Variants in GPHN observed in about 807,000 individuals in gnomAD.
The protein encoded by GPHN is gephyrin.
In GPHN, 17 loss-of-function variants were observed where a neutral mutation model predicts 95.5. The observed-to-expected ratio is 0.18, with a 90% confidence interval of 0.12 to 0.27. The LOEUF (loss-of-function observed/expected upper bound fraction) is 0.27. Ranked by LOEUF, GPHN falls within the 10% of genes least tolerant of loss-of-function variation. GPHN has a pLI of 1.00. For synonymous variants in GPHN, 320 were observed against 322.5 expected (o/e 0.99, Z 0.08); for missense variants, 660 against 978.1 (o/e 0.67, Z 4.34).
chr14:67,166,779 C>T (rs1242291896), intron 20 of GPHN, among the ~76,000 whole-genome samples: 2 of 152,178 alleles, frequency 1.3e-5, no homozygotes, highest in African/African-American at 2.4e-5. Flanking sequence ...AAGCCGTTCT[C>T]CCACCTCAGC....
intron 1 of GPHN, among the ~76,000 whole-genome samples, chr14:66,546,396 G>A (rs867084242): frequency 5.3e-5 from 8 of 152,250 alleles, no homozygotes; most frequent in Middle Eastern, 6.8e-3. Context: ...TGCAATCTCG[G>A]CACTTTGGGA....
the GPHN span, among the ~76,000 whole-genome samples, chr14:67,324,417 TCTTC>T: frequency 2.6e-5 from 4 of 152,172 alleles, no homozygotes; most frequent in East Asian, 1.9e-4. Context: ...AGTAACATGT[TCTTC>T]CTTGTTTTTT....
At chr14:67,059,665 A>G (rs2075746026) in intron 11 of GPHN, among the ~76,000 whole-genome samples, 2 of 152,328 alleles carry the variant, frequency 1.3e-5, no homozygotes, top group East Asian at 3.9e-4. Context: ...CTTTTACTAC[A>G]TAATTGTGCT....
chr14:66,935,316 T>C (rs928440535), intron 8 of GPHN, among the ~76,000 whole-genome samples: 3 of 152,108 alleles, frequency 2.0e-5, no homozygotes, highest in Non-Finnish European at 4.4e-5. Flanking sequence ...TGATGCTCCC[T>C]AAGCTGTATT....
the GPHN span, among the ~76,000 whole-genome samples, chr14:67,595,535 T>C: frequency 1.3e-5 from 2 of 152,194 alleles, no homozygotes; most frequent in Non-Finnish European, 2.9e-5. Context: ...CCATGATTGG[T>C]TCCCACTCCT....
intron 11 of GPHN, among the ~76,000 whole-genome samples, chr14:67,072,004 T>A (rs2076330695): frequency 6.6e-6 from 1 of 152,140 alleles, no homozygotes; most frequent in Non-Finnish European, 1.5e-5. Context: ...AGTCTTTAGA[T>A]ATGATTCTTA....
the GPHN span, among the ~76,000 whole-genome samples, chr14:67,688,046 T>C: frequency 3.3e-5 from 5 of 152,238 alleles, no homozygotes; most frequent in Admixed American, 1.3e-4. Context: ...GTGCTGGGAT[T>C]ACAGGTGTGA....
chr14:66,758,775 G>C (rs1056819403), intron 2 of GPHN, among the ~76,000 whole-genome samples: 2 of 152,130 alleles, frequency 1.3e-5, no homozygotes, highest in African/African-American at 4.8e-5. Flanking sequence ...GGCAGGATTT[G>C]CAGGATAATT....
chr14:66,781,298 C>T (rs1257755604), intron 3 of GPHN, among the ~76,000 whole-genome samples: 5 of 151,536 alleles, frequency 3.3e-5, no homozygotes, highest in Admixed American at 3.3e-4. Context: ...CACACTGCAA[C>T]CTCTACCTCC....
At chr14:67,256,696 T>C in the GPHN span, among the ~76,000 whole-genome samples, 71 of 152,112 alleles carry the variant, frequency 4.7e-4, no homozygotes, top group African/African-American at 1.5e-3. Context: ...TACAGGCATG[T>C]GCCACCACAC....
intron 9 of GPHN, among the ~76,000 whole-genome samples, chr14:66,974,948 G>A (rs1474684389): frequency 6.6e-6 from 1 of 151,992 alleles, no homozygotes; most frequent in Non-Finnish European, 1.5e-5. Flanking sequence ...GCTTCATAGG[G>A]TTGTCTTAAG....
intron 5 of GPHN, 78 bp from the exon 6 acceptor site, chr14:66,915,925 A>G (rs2065874586): frequency 2.4e-6 from 2 of 829,050 alleles, no homozygotes; most frequent in Non-Finnish European, 4.3e-6. Context: ...AAGTAAAATG[A>G]TTGTTATTTG....
At chr14:67,707,351 T>C in the GPHN span, among the ~76,000 whole-genome samples, 2 of 152,210 alleles carry the variant, frequency 1.3e-5, no homozygotes, top group Admixed American at 6.5e-5. Context: ...AGTTTCCCAT[T>C]TTTACTAAAG....
the GPHN span, among the ~76,000 whole-genome samples, chr14:67,276,542 AT>A: frequency 1.1e-4 from 16 of 152,318 alleles, no homozygotes; most frequent in Middle Eastern, 6.8e-3. Context: ...TTTATTGGAC[AT>A]TTCTTATGAT....
intron 1 of GPHN, among the ~76,000 whole-genome samples, chr14:66,617,301 A>G (rs1365109451): frequency 6.6e-6 from 1 of 152,170 alleles, no homozygotes; most frequent in East Asian, 1.9e-4. Flanking sequence ...GGCTATTGAG[A>G]ATCTGCAGAG....
intron 1 of GPHN, among the ~76,000 whole-genome samples, chr14:66,561,891 C>T (rs2060266419): frequency 6.6e-6 from 1 of 152,090 alleles, no homozygotes; most frequent in African/African-American, 2.4e-5. Flanking sequence ...AATCCAGTTC[C>T]TTGCCATTTC....
intron 8 of GPHN, among the ~76,000 whole-genome samples, chr14:66,943,321 C>G (rs2067535412): frequency 6.6e-6 from 1 of 152,066 alleles, no homozygotes; most frequent in Non-Finnish European, 1.5e-5. Context: ...AATGGTAACT[C>G]CTTGAAATTT....
intron 18 of GPHN, among the ~76,000 whole-genome samples, chr14:67,157,334 ATATC>A (rs1361887988): frequency 1.3e-5 from 2 of 152,202 alleles, no homozygotes; most frequent in African/African-American, 2.4e-5. Flanking sequence ...CAAATTTACT[ATATC>A]TAATAATATA....
chr14:66,997,166 G>A (rs1594767817), intron 9 of GPHN, among the ~76,000 whole-genome samples: 1 of 151,968 alleles, frequency 6.6e-6, no homozygotes, highest in East Asian at 1.9e-4. Flanking sequence ...AGGAGTTTGA[G>A]ACCAGCCTGG....
Sources: allele counts gnomAD v4.1 joint callset (sites outside exome capture counted in the v4.1 genomes callset), GRCh38; gene constraint gnomAD v4.1.1; transcripts MANE v1.5; gene names NCBI Gene and HGNC (gene_info 2026-07-23, HGNC 2026-07-21).